LVRN: variants seen among roughly 807,000 people sequenced by gnomAD.
The protein encoded by LVRN is laeverin.
A neutral mutation model predicts 111.4 loss-of-function variants in LVRN; 99 were observed. The ratio of observed to expected loss-of-function variants is 0.89; its 90% CI spans 0.76 to 1.05. LVRN has a LOEUF of 1.05. LVRN is among the 50% of genes least tolerant of loss of function. The pLI, the probability that LVRN is intolerant of heterozygous loss-of-function variation, is 0.00. For missense variants in LVRN, 1,414 were observed against 1,206.8 expected (o/e 1.17, Z -2.54); for synonymous variants, 488 against 449.5 (o/e 1.09, Z -1.08).
At chr5:115,973,859 T>C (rs1286158129) in intron 1 of LVRN, among the ~76,000 whole-genome samples, 1 of 152,192 alleles carries the variant, frequency 6.6e-6, no homozygotes, top group African/African-American at 2.4e-5. Context: ...TCTTCAGCTT[T>C]CATAGGTTTC....
At chr5:115,985,325 A>G (rs1747832800) in intron 3 of LVRN, among the ~76,000 whole-genome samples, 1 of 152,136 alleles carries the variant, frequency 6.6e-6, no homozygotes, top group South Asian at 2.1e-4. Flanking sequence ...TTATTAAGGG[A>G]ACTTAAAGAC....
At chr5:115,988,085 A>G in intron 4 of LVRN, 146 bp downstream of exon 4, 3 of 1,102,444 alleles carry the variant, frequency 2.7e-6, no homozygotes, top group South Asian at 3.2e-5. Context: ...CCTATGCCTT[A>G]TACCTTCTGA....
intron 18 of LVRN, among the ~76,000 whole-genome samples, chr5:116,021,995 G>A (rs1748740545): frequency 6.6e-6 from 1 of 152,040 alleles, no homozygotes; most frequent in Admixed American, 6.6e-5. Flanking sequence ...CACGTTCAGG[G>A]GGCTTTAGTC....
At chr5:115,970,963 T>G (rs1247386804) in intron 1 of LVRN, among the ~76,000 whole-genome samples, 1 of 152,244 alleles carries the variant, frequency 6.6e-6, no homozygotes, top group Non-Finnish European at 1.5e-5. Context: ...GTTTGGTCAT[T>G]TAAAATTTTT....
intron 3 of LVRN, among the ~76,000 whole-genome samples, chr5:115,987,348 T>C (rs567118863): frequency 6.6e-6 from 1 of 152,342 alleles, no homozygotes; most frequent in East Asian, 1.9e-4. Context: ...GGACTATTAA[T>C]GTTCTAACTG....
chr5:115,998,445 AC>A (rs1289377876), intron 6 of LVRN, among the ~76,000 whole-genome samples: 3 of 152,200 alleles, frequency 2.0e-5, no homozygotes, highest in Non-Finnish European at 4.4e-5. Context: ...AATAAATAGT[AC>A]ATAGGAAAAA....
chr5:115,991,918 G>T (rs1183387784), intron 4 of LVRN, among the ~76,000 whole-genome samples: 1 of 152,072 alleles, frequency 6.6e-6, no homozygotes, highest in East Asian at 1.9e-4. Flanking sequence ...CCTTTATCAA[G>T]AATATTTTAT....
chr5:115,965,567 T>C (rs1753185286), intron 1 of LVRN, among the ~76,000 whole-genome samples: 1 of 152,210 alleles, frequency 6.6e-6, no homozygotes, highest in Non-Finnish European at 1.5e-5. Context: ...ATGCCTACTA[T>C]TGGCACCTCA....
intron 2 of LVRN, 124 bp downstream of exon 2, chr5:115,983,553 G>T: frequency 9.3e-7 from 1 of 1,075,806 alleles, no homozygotes; most frequent in Non-Finnish European, 1.3e-6. Flanking sequence ...ACTATAATTA[G>T]GTAGAGCAGT....
intron 1 of LVRN, among the ~76,000 whole-genome samples, chr5:115,980,620 T>A (rs1038147153): frequency 6.6e-6 from 1 of 152,112 alleles, no homozygotes; most frequent in Admixed American, 6.6e-5. Context: ...TTAAGGAGTA[T>A]AATTTTCTCT....
At chr5:116,009,846 T>C (rs142769572) in intron 13 of LVRN, among the ~76,000 whole-genome samples, 91 of 152,316 alleles carry the variant, frequency 6.0e-4, no homozygotes, top group Non-Finnish European at 1.0e-3. Flanking sequence ...CTATGACCAT[T>C]GCTGAAATGA....
At chr5:115,996,985 G>A (rs4244398) in intron 6 of LVRN, among the ~76,000 whole-genome samples, 68,170 of 151,956 alleles carry the variant, frequency 0.45, 15,590 homozygotes, top group South Asian at 0.52. Context: ...CTAGTTTTAT[G>A]TACTTAAATA....
rs1187101043 is a variant in LVRN, at chr5:116,027,509, G to A, written c.*1391G>A. 1.3e-5 allele frequency: 2 copies of A among 152,188 alleles called. No individual in the cohort carries two copies. The highest frequency in any genetic ancestry group is 4.8e-5 in the African/African-American group (2 of 41,440). 9.4% of individuals were successfully genotyped at this position (152,188 alleles called of 1,614,324 possible). ...CACCACGTGGACAAACGAAAGCACAGGCTACTCAGACTTGGCCACAGGTCA... is the reference window on the plus strand; with the variant it reads ...CACCACGTGGACAAACGAAAGCACAAGCTACTCAGACTTGGCCACAGGTCA... On this transcript the variant is annotated 3_prime_UTR_variant, in exon 20 of 20. Transcript: ENST00000357872.
intron 3 of LVRN, among the ~76,000 whole-genome samples, chr5:115,986,858 T>A (rs1383210801): frequency 6.6e-6 from 1 of 152,206 alleles, no homozygotes; most frequent in East Asian, 1.9e-4. Flanking sequence ...ACTGTGATTC[T>A]TTCATTTCCT....
chr5:116,003,866 C>G (rs1054980303), intron 12 of LVRN, among the ~76,000 whole-genome samples: 4 of 152,136 alleles, frequency 2.6e-5, no homozygotes, highest in Non-Finnish European at 5.9e-5. Context: ...CAGGCGTGAG[C>G]CACCGCGCCG....
At position 116,020,528 on chromosome 5, in the gene LVRN, A is replaced by G. The variant is rs1748704755; in HGVS notation, c.2757-1863A>G. ...TAAGCACTTGATTTTTTTTCTCCACATGTTATTATATAGCCTAAAGTCTTA... is the reference window on the plus strand; with the variant it reads ...TAAGCACTTGATTTTTTTTCTCCACGTGTTATTATATAGCCTAAAGTCTTA... On this transcript the variant is annotated intron_variant, in intron 18 of 19. Coordinates refer to ENST00000357872, the MANE Select transcript of LVRN (RefSeq NM_173800.5). Among the ~76,000 whole-genome samples, 3 of 152,324 alleles carry G rather than the reference A, an allele frequency of 2.0e-5. No homozygotes were observed. In the South Asian group the frequency reaches 6.2e-4, roughly 32 times the overall value.
At chr5:115,980,811 C>T (rs1753545811) in intron 1 of LVRN, among the ~76,000 whole-genome samples, 1 of 151,972 alleles carries the variant, frequency 6.6e-6, no homozygotes, top group Non-Finnish European at 1.5e-5. Flanking sequence ...ACAAAATATC[C>T]TATAATTTCA....
At chr5:115,976,644 G>C (rs1163513645) in intron 1 of LVRN, among the ~76,000 whole-genome samples, 2 of 151,432 alleles carry the variant, frequency 1.3e-5, no homozygotes, top group Non-Finnish European at 2.9e-5. Context: ...TCTTTTTTTT[G>C]GAAGTTCAGA....
chr5:115,991,671 G>A (rs192608849), intron 4 of LVRN, among the ~76,000 whole-genome samples: 104 of 152,268 alleles, frequency 6.8e-4, no homozygotes, highest in African/African-American at 2.3e-3. Context: ...ATCTGCATTT[G>A]GTGTTGCCAG....
Sources: gnomAD v4.1 joint callset for allele counts (sites outside exome capture counted in the v4.1 genomes callset) on GRCh38, gnomAD v4.1.1 for gene constraint, MANE v1.5 for transcripts, NCBI Gene and HGNC (gene_info 2026-07-23, HGNC 2026-07-21) for gene names.